EXOG: variants seen among roughly 807,000 people sequenced by gnomAD.
EXOG encodes nuclease EXOG, mitochondrial.
Under a neutral mutation model 25.8 loss-of-function variants are expected in EXOG, and 27 were observed. That is an observed-to-expected ratio of 1.05 (90% confidence interval 0.77 to 1.45). EXOG has a LOEUF of 1.45. EXOG is among the 40% of genes most tolerant of loss of function. The pLI is 0.00. For missense variants in EXOG, 458 were observed against 450.5 expected, an observed-to-expected ratio of 1.02 and a Z score of -0.15; for synonymous variants, 133 against 167.0, an observed-to-expected ratio of 0.80 and a Z score of 1.57.
intron 5 of EXOG, among the ~76,000 whole-genome samples, chr3:38,511,669 T>C (rs1321752895): frequency 2.6e-5 from 4 of 152,170 alleles, no homozygotes; most frequent in African/African-American, 9.7e-5. Context: ...TATCTTGCAA[T>C]AGTAGGAAAG....
At chr3:38,503,494 A>G (rs1198132094) in intron 3 of EXOG, 121 bp from the exon 4 acceptor site, 4 of 550,050 alleles carry the variant, frequency 7.3e-6, no homozygotes, top group Non-Finnish European at 6.5e-6. Flanking sequence ...TGAAACAAGT[A>G]GTCAATAATT....
chr3:38,500,767 C>G (rs2125752091), intron 2 of EXOG, among the ~76,000 whole-genome samples: 1 of 152,266 alleles, frequency 6.6e-6, no homozygotes, highest in African/African-American at 2.4e-5. Flanking sequence ...GAGATTTCTT[C>G]TCTCCTATGT....
At chr3:38,513,520 A>T (rs1389170144) in intron 5 of EXOG, among the ~76,000 whole-genome samples, 1 of 152,150 alleles carries the variant, frequency 6.6e-6, no homozygotes, top group Non-Finnish European at 1.5e-5. Context: ...AGTGGAAGGT[A>T]AGGGTGGCAG....
chr3:38,502,563 T>C (rs1216514367), intron 3 of EXOG, among the ~76,000 whole-genome samples: 1 of 152,170 alleles, frequency 6.6e-6, no homozygotes, highest in East Asian at 1.9e-4. Flanking sequence ...GGAGTATGCA[T>C]CATCTAAGAA....
In EXOG at chr3:38,496,603, G is replaced by T. The variant is rs2059896352; in HGVS notation, c.163+73G>T. 4 of 1,548,378 alleles carry T rather than the reference G, an allele frequency of 2.6e-6. No individual in the cohort carries two copies. The African/African-American group carries it at 5.4e-5, about 21-fold the overall frequency. On this transcript the variant is annotated intron_variant, in intron 1 of 5. Transcript: ENST00000287675. ...CCGACTCCTACCTGGAGTGTGAATG[G>T]CAGTCCTTGACGGACAGCCTTCACC...
rs5848435 is a variant in EXOG, at chr3:38,497,075, CAAAAA to C, written c.164-542_164-538del. The C allele has an allele frequency of 8.9e-6, 8 of 903,678 alleles. No homozygotes were observed. In the Admixed American group the frequency reaches 2.0e-4, roughly 23 times the overall value. The allele number at this position is 903,678 out of a possible 1,614,324, so 56.0% of individuals were successfully genotyped here. A position where few individuals can be genotyped will look rare whatever the true frequency, so the allele number is the denominator to read the frequency against. On this transcript the variant is annotated intron_variant, in intron 1 of 5. Coordinates refer to ENST00000287675, the MANE Select transcript of EXOG (RefSeq NM_005107.4). ...GTTGCAATGGGTACCTTATATTTGA[CAAAAA>C]AAAAAAAAAAATTAACACGAGCTCA...
rs201551336 is a variant in EXOG, at chr3:38,506,864, T to C, written c.541T>C (p.Tyr181His). 41 of 1,559,468 alleles carry C rather than the reference T, an allele frequency of 2.6e-5. No individual in the cohort carries two copies. In the East Asian group the frequency reaches 9.0e-4, roughly 34 times the overall value. ...TTATTTGTTTTTCAGAATAGAAATG[T>C]ACTGTCGAGAGCTGACAGAAAGGTT... ...NSGYWNRIEM[Y>H]CRELTERFED... The change falls in exon 5 of 6, where the codon TAC (tyrosine) becomes CAC (histidine). Residue 181 changes from tyrosine (Y) to histidine (H), a missense_variant. Tyr to His is a moderately conservative substitution (Grantham distance 83, BLOSUM62 2). Coordinates refer to ENST00000287675, the MANE Select transcript of EXOG (RefSeq NM_005107.4).
Position 38,503,642 on chromosome 3 carries a change from T to A in EXOG, c.481T>A (p.Ser161Thr). The A allele has an allele frequency of 5.0e-6, 8 of 1,607,910 alleles. No individual in the cohort carries two copies. Among genetic ancestry groups the A allele is most frequent in the Non-Finnish European group, 6.8e-6 (8 of 1,174,848 alleles). Reference sequence around the variant, plus strand: ...AGCCATGGCTGAAACCTTTTACCTTTCTAACATTGTGCCTCAGGATTTTGA... The same window carrying A: ...AGCCATGGCTGAAACCTTTTACCTTACTAACATTGTGCCTCAGGATTTTGA... ...SKAMAETFYL[S>T]NIVPQDFDNN... Residue 161 changes from serine (S) to threonine (T), a missense_variant, in exon 4 of 6, where the codon TCT becomes ACT. Transcript: ENST00000287675.
intron 3 of EXOG, 51 bp downstream of exon 3, chr3:38,501,545 A>G (rs770108327): frequency 6.5e-7 from 1 of 1,549,678 alleles, no homozygotes; most frequent in East Asian, 2.3e-5. Context: ...TGTTATGCAT[A>G]CAACAGGAAT....
At chr3:38,499,035 GT>G (rs1559673208) in intron 2 of EXOG, 1 of 455,272 alleles carries the variant, frequency 2.2e-6, no homozygotes, top group Non-Finnish European at 4.4e-6. Context: ...TTTTACTTGT[GT>G]TTATTGATTA....
At chr3:38,516,027 T>C (rs1459396761) in intron 5 of EXOG, among the ~76,000 whole-genome samples, 1 of 152,198 alleles carries the variant, frequency 6.6e-6, no homozygotes. Flanking sequence ...AATATCAGCT[T>C]TGGCTTTTTC....
At chr3:38,499,961 A>G (rs9877282) in intron 2 of EXOG, 165,259 of 312,522 alleles carry the variant, frequency 0.53, 47,541 homozygotes, top group African/African-American at 0.86. Context: ...AAGACCTAAG[A>G]CTCACCCAAG....
chr3:38,497,415 T>G (rs983677016), intron 1 of EXOG: 1 of 1,320,110 alleles, frequency 7.6e-7, no homozygotes, highest in African/African-American at 1.5e-5. Context: ...TCACTGATTA[T>G]AGGCAAATCA....
chr3:38,526,302 G>A lies in EXOG; in HGVS notation c.*1940G>A. The A allele has an allele frequency of 1.0e-6, 1 of 953,230 alleles. No individual in the cohort carries two copies. Among genetic ancestry groups the A allele is most frequent in the Non-Finnish European group, 1.2e-6 (1 of 801,036 alleles). The allele number at this position is 953,230 out of a possible 1,614,324, so 59.0% of individuals were successfully genotyped here. A position where few individuals can be genotyped will look rare whatever the true frequency, so the allele number is the denominator to read the frequency against. On this transcript the variant is annotated 3_prime_UTR_variant, in exon 6 of 6. Transcript: ENST00000287675. ...TTTCAGATAAAGATAAGATGATAAT[G>A]ATTGACATTGTTCTGCTCTTTTATT...
At chr3:38,512,185 T>G (rs2060390656) in intron 5 of EXOG, among the ~76,000 whole-genome samples, 1 of 152,208 alleles carries the variant, frequency 6.6e-6, no homozygotes, top group Admixed American at 6.5e-5. Flanking sequence ...TTTTTTTCGC[T>G]CATGGCATTA....
At position 38,503,701 on chromosome 3, in the gene EXOG, G is replaced by A; in HGVS notation, c.530+10G>A. 7 of 1,488,436 alleles carry A rather than the reference G, an allele frequency of 4.7e-6. No homozygotes were observed. The highest frequency in any genetic ancestry group is 1.7e-4 in the Middle Eastern group (1 of 5,838). 92.2% of individuals were successfully genotyped at this position (1,488,436 alleles called of 1,614,324 possible). On this transcript the variant is annotated intron_variant, in intron 4 of 5. Coordinates refer to ENST00000287675, the MANE Select transcript of EXOG (RefSeq NM_005107.4). ...CTGGATATTGGAACAGGTGAGGGAT[G>A]AGAGTTTTAAAAACATGATTCTATG...
chr3:38,506,847 T>C lies in EXOG; in HGVS notation c.531-7T>C. On this transcript the variant is annotated splice_region_variant and splice_polypyrimidine_tract_variant and intron_variant, in intron 4 of 5. Transcript: ENST00000287675. ...GAATATCATACATTTTTTTATTTGT[T>C]TTTCAGAATAGAAATGTACTGTCGA... The C allele has an allele frequency of 7.0e-7, 1 of 1,433,812 alleles. No individual in the cohort carries two copies. Among genetic ancestry groups the C allele is most frequent in the Non-Finnish European group, 9.8e-7 (1 of 1,019,774 alleles). 88.8% of individuals were successfully genotyped at this position (1,433,812 alleles called of 1,614,324 possible).
chr3:38,512,637 AC>A (rs2060407101), intron 5 of EXOG, among the ~76,000 whole-genome samples: 1 of 152,146 alleles, frequency 6.6e-6, no homozygotes, highest in Admixed American at 6.5e-5. Context: ...ATCTTGATCT[AC>A]CATTTATACT....
rs745494772 is a variant in EXOG, at chr3:38,501,506, T to C, written c.453+12T>C. On this transcript the variant is annotated intron_variant, in intron 3 of 5. Coordinates refer to ENST00000287675, the MANE Select transcript of EXOG (RefSeq NM_005107.4). ...ACAAATTTTCAAGTGTAGGCATACT[T>C]TGGGGGAGGGATGGGAATATGGGGC... 1.3e-5 allele frequency: 21 copies of C among 1,612,946 alleles called. No individual in the cohort carries two copies. Among genetic ancestry groups the C allele is most frequent in the Non-Finnish European group, 1.7e-5 (20 of 1,179,140 alleles).
Sources: allele counts gnomAD v4.1 joint callset (sites outside exome capture counted in the v4.1 genomes callset), GRCh38; gene constraint gnomAD v4.1.1; transcripts MANE v1.5; gene names NCBI Gene and HGNC (gene_info 2026-07-23, HGNC 2026-07-21).